The following CSNK1G3 variants were observed in gnomAD, a reference collection of about 807,000 sequenced individuals.
CSNK1G3 encodes casein kinase 1 gamma 3.
CSNK1G3 carries 23 observed loss-of-function variants against 64.3 expected under a neutral mutation model. That is an observed-to-expected ratio of 0.36 (90% CI 0.26 to 0.51). The LOEUF is 0.51. CSNK1G3 is among the 20% of genes least tolerant of loss of function. The pLI, the probability that CSNK1G3 is intolerant of heterozygous loss-of-function variation, is 0.96. For synonymous variants in CSNK1G3, 158 were observed against 162.2 expected, an observed-to-expected ratio of 0.97 and a Z score of 0.20; for missense variants, 357 against 510.5, an observed-to-expected ratio of 0.70 and a Z score of 2.90.
chr5:123,592,910 C>A (rs1177241804), intron 10 of CSNK1G3, among the ~76,000 whole-genome samples: 2 of 151,706 alleles, frequency 1.3e-5, no homozygotes, highest in Non-Finnish European at 2.9e-5. Flanking sequence ...AGAAATGGCT[C>A]AGAAGTTGAG....
intron 3 of CSNK1G3, among the ~76,000 whole-genome samples, chr5:123,556,312 G>T (rs1784610492): frequency 6.6e-6 from 1 of 151,910 alleles, no homozygotes; most frequent in Admixed American, 6.6e-5. Context: ...TGAATTGGTG[G>T]GTTGTTAACC....
intron 1 of CSNK1G3, among the ~76,000 whole-genome samples, chr5:123,534,853 A>T (rs1019737170): frequency 6.6e-6 from 1 of 152,122 alleles, no homozygotes; most frequent in Non-Finnish European, 1.5e-5. Flanking sequence ...AGATTTTAAT[A>T]AGTTGTAACA....
intron 6 of CSNK1G3, among the ~76,000 whole-genome samples, chr5:123,584,634 A>G (rs1790973713): frequency 6.6e-6 from 1 of 151,238 alleles, no homozygotes; most frequent in South Asian, 2.1e-4. Flanking sequence ...TGAGTTGGGA[A>G]CTCTTCCAAT....
intron 4 of CSNK1G3, among the ~76,000 whole-genome samples, chr5:123,561,681 A>G (rs1273263809): frequency 6.6e-6 from 1 of 152,164 alleles, no homozygotes; most frequent in Non-Finnish European, 1.5e-5. Flanking sequence ...CTATTCTTAA[A>G]GTCTAGCTGT....
At position 123,571,806 on chromosome 5, in the gene CSNK1G3, G is replaced by C. The variant is rs77974722; in HGVS notation, c.290-1587G>C. ...TTGGAAGTAAAACTGAGACATTTGT[G>C]GTGGAAGAAGTTCATTTTTTCATGC... On this transcript the variant is annotated intron_variant, in intron 4 of 12. Transcript: ENST00000345990. Among the ~76,000 whole-genome samples, 1,078 of 152,224 alleles carry C rather than the reference G, an allele frequency of 7.1e-3. 9 individuals carry two copies. Among genetic ancestry groups the C allele is most frequent in the African/African-American group, 0.024 (1,016 of 41,526 alleles).
rs747334143 is a variant in CSNK1G3, at chr5:123,591,310, G to T, written c.991-9G>T. Reference sequence around the variant, plus strand: ...GAATGTATTGATACCAATTGTTATTGTATTGTAGCCTACTCCAGTGGGTGC... The same window carrying T: ...GAATGTATTGATACCAATTGTTATTTTATTGTAGCCTACTCCAGTGGGTGC... On this transcript the variant is annotated splice_polypyrimidine_tract_variant and intron_variant, in intron 9 of 12. Coordinates refer to ENST00000345990, the Ensembl canonical transcript of CSNK1G3. The T allele has an allele frequency of 7.1e-6, 11 of 1,555,596 alleles. No individual in the cohort carries two copies. Among genetic ancestry groups the T allele is most frequent in the Non-Finnish European group, 9.6e-6 (11 of 1,141,618 alleles).
At chr5:123,544,125 T>C (rs1001480946) in intron 1 of CSNK1G3, among the ~76,000 whole-genome samples, 1 of 152,146 alleles carries the variant, frequency 6.6e-6, no homozygotes, top group African/African-American at 2.4e-5. Flanking sequence ...AATAGAAAAG[T>C]GCAGGTTAGC....
At chr5:123,544,150 G>T (rs1228148302) in intron 1 of CSNK1G3, among the ~76,000 whole-genome samples, 2 of 152,050 alleles carry the variant, frequency 1.3e-5, no homozygotes, top group African/African-American at 4.8e-5. Context: ...TGCAACCTTG[G>T]CGTTACCAGT....
At chr5:123,574,675 A>G (rs1788806709) in intron 5 of CSNK1G3, among the ~76,000 whole-genome samples, 1 of 151,936 alleles carries the variant, frequency 6.6e-6, no homozygotes, top group African/African-American at 2.4e-5. Context: ...AAAATAAAAA[A>G]AAAAATAAGC....
At chr5:123,588,174 T>G (rs773046445) in intron 7 of CSNK1G3, 21 bp downstream of exon 7, 1 of 1,494,412 alleles carries the variant, frequency 6.7e-7, no homozygotes, top group Non-Finnish European at 9.3e-7. Context: ...TTGTGTTTCT[T>G]TATTGAATTT....
intron 6 of CSNK1G3, among the ~76,000 whole-genome samples, chr5:123,581,131 ATATTT>A (rs1790160546): frequency 6.6e-6 from 1 of 151,788 alleles, no homozygotes; most frequent in East Asian, 1.9e-4. Flanking sequence ...TTTTATAATT[ATATTT>A]TAACAGTTTA....
At chr5:123,558,038 A>C (rs1027381633) in intron 4 of CSNK1G3, among the ~76,000 whole-genome samples, 2 of 152,166 alleles carry the variant, frequency 1.3e-5, no homozygotes, top group Non-Finnish European at 2.9e-5. Flanking sequence ...ACATTTACAC[A>C]CACAGAAAAG....
At chr5:123,548,781 C>G (rs1783079725) in intron 2 of CSNK1G3, among the ~76,000 whole-genome samples, 1 of 151,746 alleles carries the variant, frequency 6.6e-6, no homozygotes, top group African/African-American at 2.4e-5. Context: ...AATTGATGTG[C>G]AAATACTCCT....
intron 6 of CSNK1G3, among the ~76,000 whole-genome samples, chr5:123,578,629 T>G (rs1227560251): frequency 3.9e-5 from 6 of 151,920 alleles, no homozygotes; most frequent in Non-Finnish European, 5.9e-5. Context: ...AGTTTATCAG[T>G]TTTTTTGTTT....
At chr5:123,553,019 T>G (rs1298840203) in intron 2 of CSNK1G3, 88 bp from the exon 3 acceptor site, 2 of 693,994 alleles carry the variant, frequency 2.9e-6, no homozygotes, top group African/African-American at 3.8e-5. Context: ...GTTAAATGTA[T>G]TATGTGCTTT....
rs182691473 is a variant in CSNK1G3 at position 123,592,380 on chromosome 5, C to T, written c.1086+966C>T. ...TAAGGCATAGAAGTTGATCAAGTAG[C>T]GAGTTCATGTTTCCTGGCCAGGTAA... is the stretch of plus-strand genomic sequence containing the variant. On this transcript the variant is annotated intron_variant, in intron 10 of 12. Coordinates refer to ENST00000345990, the Ensembl canonical transcript of CSNK1G3. Among the ~76,000 whole-genome samples the T allele has an allele frequency of 2.0e-5, 3 of 151,912 alleles. No homozygotes were observed. The South Asian group carries it at 6.2e-4, about 32-fold the overall frequency.
chr5:123,577,719 T>G (rs536048893), intron 6 of CSNK1G3, among the ~76,000 whole-genome samples: 1 of 142,208 alleles, frequency 7.0e-6, no homozygotes, highest in African/African-American at 2.8e-5. Context: ...TATTGAAGAG[T>G]TTTTTTTTTA....
intron 12 of CSNK1G3, among the ~76,000 whole-genome samples, chr5:123,610,601 T>C (rs982997260): frequency 6.6e-6 from 1 of 152,226 alleles, no homozygotes; most frequent in Non-Finnish European, 1.5e-5. Context: ...TTTAGGACTT[T>C]GATCCATTTT....
intron 12 of CSNK1G3, among the ~76,000 whole-genome samples, chr5:123,608,495 AAAT>A (rs1795752169): frequency 6.6e-6 from 1 of 152,214 alleles, no homozygotes; most frequent in Non-Finnish European, 1.5e-5. Flanking sequence ...TAGGAAAACA[AAAT>A]AATTTAGTTT....
Sources: allele counts gnomAD v4.1 joint callset (sites outside exome capture counted in the v4.1 genomes callset), GRCh38; gene constraint gnomAD v4.1.1; transcripts MANE v1.5; gene names NCBI Gene and HGNC (gene_info 2026-07-23, HGNC 2026-07-21).